The following HMCN1 variants were observed in gnomAD, a reference collection of about 807,000 sequenced individuals.
HMCN1 encodes hemicentin-1.
In HMCN1, 321 loss-of-function variants were observed where a neutral mutation model predicts 625.9. That is an observed-to-expected ratio of 0.51 (90% confidence interval 0.47 to 0.56). The LOEUF is 0.56. HMCN1 is among the 20% of genes least tolerant of loss of function. HMCN1 has a pLI of 0.00. For missense variants in HMCN1, 6,588 were observed against 6,887.3 expected (o/e 0.96, Z 1.54); for synonymous variants, 2,425 against 2,417.6 (o/e 1.00, Z -0.09).
Position 186,125,656 on chromosome 1 carries a change from A to G in HMCN1, c.12552A>G (p.Ser4184=), listed in dbSNP as rs1169218192. The part of the protein sequence containing the change: ...TEGHYTVNEN[S]QAILPCVADG... ...GACACTACACGGTCAATGAGAATTCACAAGCCATTCTTCCATGCGTAGCTG... is the reference window on the plus strand; with the variant it reads ...GACACTACACGGTCAATGAGAATTCGCAAGCCATTCTTCCATGCGTAGCTG... Residue 4184 remains serine, a synonymous_variant, in exon 82 of 107, where the codon TCA becomes TCG. Coordinates refer to ENST00000271588, the MANE Select transcript of HMCN1 (RefSeq NM_031935.3). 6.2e-7 allele frequency: 1 copy of G among 1,613,474 alleles called. No homozygotes were observed. Among genetic ancestry groups the G allele is most frequent in the South Asian group, 1.1e-5 (1 of 91,076 alleles).
chr1:185,893,194 A>G (rs1466376998), intron 4 of HMCN1, among the ~76,000 whole-genome samples: 2 of 152,060 alleles, frequency 1.3e-5, no homozygotes, highest in Non-Finnish European at 2.9e-5. Flanking sequence ...GCACCCAGTG[A>G]CCTGTGCCCA....
chr1:185,880,438 A>G (rs994049139), intron 4 of HMCN1, among the ~76,000 whole-genome samples: 8 of 152,186 alleles, frequency 5.3e-5, no homozygotes, highest in Non-Finnish European at 1.0e-4. Flanking sequence ...TCACTGATAT[A>G]TCATGCTTTT....
chr1:186,093,145 A>G lies in HMCN1; in HGVS notation c.9899A>G (p.Asn3300Ser), dbSNP rs146969586. The change falls in exon 65 of 107, where the codon AAT (asparagine) becomes AGT (serine). Residue 3300 changes from asparagine to serine, a missense_variant. Coordinates refer to ENST00000271588, the MANE Select transcript of HMCN1 (RefSeq NM_031935.3). ...GETERIRVSA[N>S]GSTLNIYGAL... ...GATCTTTTCCGTAGAGTGAGTGCAA[A>G]TGGCAGCACATTAAACATTTATGGA... 7.7e-5 allele frequency: 124 copies of G among 1,613,214 alleles called. No homozygotes were observed. Among genetic ancestry groups the G allele is most frequent in the Non-Finnish European group, 1.0e-4 (120 of 1,179,528 alleles).
intron 1 of HMCN1, among the ~76,000 whole-genome samples, chr1:185,783,928 A>G (rs544307974): frequency 1.4e-3 from 215 of 152,300 alleles, no homozygotes; most frequent in African/African-American, 4.9e-3. Context: ...TTGTTCAGCT[A>G]TGCCCTGCCC....
chr1:185,766,083 C>A (rs1356477941), intron 1 of HMCN1, among the ~76,000 whole-genome samples: 1 of 152,072 alleles, frequency 6.6e-6, no homozygotes, highest in African/African-American at 2.4e-5. Flanking sequence ...TTAAAACAAA[C>A]ACATTAGACA....
At position 185,986,285 on chromosome 1, in the gene HMCN1, A is replaced by G. The variant is rs532308925; in HGVS notation, c.2936-1147A>G. The stretch of plus-strand genomic sequence containing the variant: ...TTGCACTGAGGTTTCTGGTGTCTCT[A>G]GTTCTAAAAAACTTCTCCAGAGTAG... On this transcript the variant is annotated intron_variant, in intron 19 of 106. Transcript: ENST00000271588. 9.9e-5 allele frequency among the ~76,000 whole-genome samples: 15 copies of G among 152,216 alleles called. No individual in the cohort carries two copies. In the South Asian group the frequency reaches 3.1e-3, roughly 32 times the overall value.
chr1:185,841,450 G>A lies in HMCN1; in HGVS notation c.269-4576G>A, dbSNP rs187566223. Among the ~76,000 whole-genome samples, 170 of 152,212 alleles carry A rather than the reference G, an allele frequency of 1.1e-3. 1 individual carries two copies. The highest frequency in any genetic ancestry group is 3.9e-3 in the African/African-American group (162 of 41,524). ...TTGTTTCCGTTGATTAATCAGTGTC[G>A]TCACTGATCTTTAGCGTGGTCTTTA... On this transcript the variant is annotated intron_variant, in intron 1 of 106. Transcript: ENST00000271588.
intron 16 of HMCN1, among the ~76,000 whole-genome samples, chr1:185,979,304 G>A (rs1162434627): frequency 1.3e-5 from 2 of 152,108 alleles, no homozygotes; most frequent in Admixed American, 6.6e-5. Flanking sequence ...TGAAAGTACT[G>A]TTTCAGAACA....
At chr1:185,916,999 C>T (rs997577014) in intron 6 of HMCN1, among the ~76,000 whole-genome samples, 1 of 152,028 alleles carries the variant, frequency 6.6e-6, no homozygotes, top group Non-Finnish European at 1.5e-5. Flanking sequence ...CCCTTATTAC[C>T]CAGTAGGCAA....
intron 15 of HMCN1, among the ~76,000 whole-genome samples, chr1:185,975,675 C>G (rs1341411097): frequency 1.3e-5 from 2 of 152,028 alleles, no homozygotes; most frequent in African/African-American, 2.4e-5. Flanking sequence ...TTTATTTTGC[C>G]TATTATTTTT....
chr1:186,089,318 T>G (rs1659705164), intron 63 of HMCN1, among the ~76,000 whole-genome samples: 1 of 152,072 alleles, frequency 6.6e-6, no homozygotes, highest in Non-Finnish European at 1.5e-5. Context: ...TACATTTGGC[T>G]CAGTATTGAA....
intron 11 of HMCN1, among the ~76,000 whole-genome samples, chr1:185,959,552 A>G (rs1649863505): frequency 1.3e-5 from 2 of 152,188 alleles, no homozygotes; most frequent in Admixed American, 1.3e-4. Flanking sequence ...GCAAATTAAT[A>G]CCTTGCCCCC....
chr1:186,017,284 A>C (rs944249821), intron 33 of HMCN1, among the ~76,000 whole-genome samples: 3 of 152,052 alleles, frequency 2.0e-5, no homozygotes, highest in Admixed American at 1.3e-4. Context: ...ATTCCATTGT[A>C]TGGACTTAGA....
intron 100 of HMCN1, among the ~76,000 whole-genome samples, chr1:186,171,055 G>T (rs992340508): frequency 1.3e-5 from 2 of 152,208 alleles, no homozygotes; most frequent in African/African-American, 4.8e-5. Context: ...CGAGAAACAG[G>T]AGTGAGAGCC....
chr1:186,007,969 G>A (rs1653750467), intron 30 of HMCN1, among the ~76,000 whole-genome samples: 1 of 152,084 alleles, frequency 6.6e-6, no homozygotes, highest in Admixed American at 6.6e-5. Flanking sequence ...TTTCCATGGT[G>A]TATGATGCTC....
At chr1:185,765,136 TTGGGAA>T (rs1655788758) in intron 1 of HMCN1, among the ~76,000 whole-genome samples, 3 of 152,238 alleles carry the variant, frequency 2.0e-5, no homozygotes, top group Admixed American at 6.5e-5. Context: ...AGAATTTAAA[TTGGGAA>T]AGATGGACAT....
At chr1:186,088,111 T>G (rs917565879) in intron 61 of HMCN1, 34 bp from the exon 62 acceptor site, 5 of 1,602,228 alleles carry the variant, frequency 3.1e-6, no homozygotes, top group African/African-American at 2.7e-5. Context: ...TTTTCTTCTG[T>G]TTTTTTGTTT....
intron 9 of HMCN1, among the ~76,000 whole-genome samples, chr1:185,926,268 G>T (rs1046757905): frequency 6.6e-6 from 1 of 151,946 alleles, no homozygotes; most frequent in African/African-American, 2.4e-5. Context: ...TTATACAATC[G>T]CTTTATGGGG....
At chr1:185,983,000 A>T (rs557308191) in intron 18 of HMCN1, among the ~76,000 whole-genome samples, 3 of 152,180 alleles carry the variant, frequency 2.0e-5, no homozygotes, top group South Asian at 2.1e-4. Flanking sequence ...TGTTATTTTC[A>T]TAGTACTTAA....
Sources: allele counts gnomAD v4.1 joint callset (sites outside exome capture counted in the v4.1 genomes callset), GRCh38; gene constraint gnomAD v4.1.1; transcripts MANE v1.5; gene names NCBI Gene and HGNC (gene_info 2026-07-23, HGNC 2026-07-21).